The following DMTN variants were observed in gnomAD, a reference collection of about 807,000 sequenced individuals.
DMTN encodes the protein dematin.
Under a neutral mutation model 59.4 loss-of-function variants are expected in DMTN, and 27 were observed. That is an observed-to-expected ratio of 0.45 (90% CI 0.33 to 0.63). The LOEUF is 0.63. DMTN is among the 20% of genes least tolerant of loss of function. DMTN has a pLI of 0.02. For missense variants in DMTN, 451 were observed against 528.9 expected, an observed-to-expected ratio of 0.85 and a Z score of 1.45; for synonymous variants, 221 against 203.7, an observed-to-expected ratio of 1.08 and a Z score of -0.72.
In DMTN at chr8:22,067,632, C is replaced by T. The variant is rs1399241086; in HGVS notation, c.199C>T (p.His67Tyr). ...ERPDLMIYEP[H>Y]FTYSLLEHVE... ...GCCCGACCTCATGATCTACGAGCCT[C>T]ACTTCACTTATTCCCTCCTGGAACA... Residue 67 changes from histidine (H) to tyrosine (Y), a missense_variant, in exon 4 of 16, where the codon CAC (histidine) becomes TAC (tyrosine). Transcript: ENST00000358242. The T allele has an allele frequency of 1.9e-6, 3 of 1,614,168 alleles. No individual in the cohort carries two copies. The East Asian group carries it at 6.7e-5, about 36-fold the overall frequency.
chr8:22,056,386 G>A (rs1477544963), upstream of DMTN, among the ~76,000 whole-genome samples: 2 of 152,326 alleles, frequency 1.3e-5, no homozygotes, highest in Admixed American at 6.5e-5. Context: ...GGCCCCAGAG[G>A]CCTCAGTTGC....
rs1816231917 is a variant in DMTN, at chr8:22,072,373, G to A, written c.652G>A (p.Glu218Lys). The A allele has an allele frequency of 1.9e-6, 3 of 1,590,204 alleles. No individual in the cohort carries two copies. Among genetic ancestry groups the A allele is most frequent in the Non-Finnish European group, 1.7e-6 (2 of 1,165,482 alleles). The part of the protein sequence containing the change: ...RKASRRGAEE[E>K]EEEEDDDSGE... ...GGCGTCTCGGAGGGGAGCAGAGGAA[G>A]AGGAGGAGGAGGAAGATGACGACTC... is the stretch of plus-strand genomic sequence containing the variant. Residue 218 changes from glutamate to lysine, a missense_variant, in exon 9 of 16, where the codon GAG (glutamate) becomes AAG (lysine). By Grantham distance (56) the Glu-to-Lys change is moderately conservative (BLOSUM62 1). Coordinates refer to ENST00000358242, the MANE Select transcript of DMTN (RefSeq NM_001387751.1).
chr8:22,069,327 G>A, intron 5 of DMTN, 92 bp from the exon 6 acceptor site: 3 of 1,151,002 alleles, frequency 2.6e-6, no homozygotes, highest in Admixed American at 4.8e-5. Flanking sequence ...CGGCCAGGAT[G>A]GGAGGACAGA....
chr8:22,056,413 G>T (rs895207501), upstream of DMTN, among the ~76,000 whole-genome samples: 3 of 152,162 alleles, frequency 2.0e-5, no homozygotes, highest in Non-Finnish European at 4.4e-5. Context: ...CAGATGGTGG[G>T]GTGGTCATGA....
intron 1 of DMTN, among the ~76,000 whole-genome samples, chr8:22,061,749 ATT>A (rs1175743497): frequency 1.3e-3 from 158 of 119,706 alleles, no homozygotes; most frequent in African/African-American, 4.6e-3. Context: ...CTTAATTCTC[ATT>A]TTTTTTTTTT....
At chr8:22,075,905 G>A (rs893095766) in intron 10 of DMTN, among the ~76,000 whole-genome samples, 35 of 152,162 alleles carry the variant, frequency 2.3e-4, no homozygotes, top group Non-Finnish European at 1.3e-4. Context: ...GCCATCTTTG[G>A]AAATAATCTA....
intron 8 of DMTN, 129 bp downstream of exon 8, chr8:22,070,463 C>A (rs1814472137): frequency 8.5e-7 from 1 of 1,173,762 alleles, no homozygotes. Context: ...CTTTTTCCTA[C>A]CTTCAGGAGC....
upstream of DMTN, among the ~76,000 whole-genome samples, chr8:22,052,036 C>T (rs994625886): frequency 1.3e-5 from 2 of 152,180 alleles, no homozygotes; most frequent in African/African-American, 4.8e-5. Context: ...TTGAAGGGTC[C>T]CCGCCACCTG....
intron 1 of DMTN, among the ~76,000 whole-genome samples, chr8:22,059,752 G>C (rs1804954267): frequency 6.6e-6 from 1 of 152,220 alleles, no homozygotes; most frequent in South Asian, 2.1e-4. Flanking sequence ...CACCAAGCAG[G>C]TAGTGGTTGG....
At position 22,071,485 on chromosome 8, in the gene DMTN, C is replaced by T. The variant is rs1019440262; in HGVS notation, c.605-841C>T. Among the ~76,000 whole-genome samples, 3 of 151,946 alleles carry T rather than the reference C, an allele frequency of 2.0e-5. No individual in the cohort carries two copies. The South Asian group carries it at 6.2e-4, about 31-fold the overall frequency. ...TCTCGGCTCACTGCAACTTCTACCA[C>T]CTGAGTTCAAGCGATTTTCCTGTTT... On this transcript the variant is annotated intron_variant, in intron 8 of 15. Coordinates refer to ENST00000358242, the MANE Select transcript of DMTN (RefSeq NM_001387751.1).
chr8:22,069,517 T>A lies in DMTN; in HGVS notation c.393T>A (p.Pro131=). Residue 131 remains proline (P), a splice_region_variant and synonymous_variant, in exon 6 of 16, where the codon CCT becomes CCA. Coordinates refer to ENST00000358242, the MANE Select transcript of DMTN (RefSeq NM_001387751.1). ...CCAGCCTGCCCCATTTCCACCACCCTGGTAGGTCTTCTCGGCACGACCTCA... is the reference window on the plus strand; with the variant it reads ...CCAGCCTGCCCCATTTCCACCACCCAGGTAGGTCTTCTCGGCACGACCTCA... The part of the protein sequence containing the change: ...PRTSLPHFHH[P]ETSRPDSNIY... 1.9e-6 allele frequency: 3 copies of A among 1,591,158 alleles called. No homozygotes were observed. Among genetic ancestry groups the A allele is most frequent in the Non-Finnish European group, 2.6e-6 (3 of 1,169,024 alleles).
In DMTN at chr8:22,070,279, G is replaced by A. The variant is rs746539661; in HGVS notation, c.549G>A (p.Gln183=). 7.4e-6 allele frequency: 12 copies of A among 1,613,546 alleles called. No homozygotes were observed. Among genetic ancestry groups the A allele is most frequent in the Admixed American group, 5.0e-5 (3 of 59,900 alleles). The change falls in exon 8 of 16, where the codon CAG becomes CAA. Residue 183 remains glutamine (Q), a synonymous_variant. Transcript: ENST00000358242. ...CAGCCCAGCCCCCAGACCCCAACCAGCCAGCCAAAATCGAAACCGACTACT... is the reference window on the plus strand; with the variant it reads ...CAGCCCAGCCCCCAGACCCCAACCAACCAGCCAAAATCGAAACCGACTACT... ...FPAAQPPDPN[Q]PAKIETDYWP...
At chr8:22,074,969 A>T (rs527965647) in intron 10 of DMTN, among the ~76,000 whole-genome samples, 15 of 152,154 alleles carry the variant, frequency 9.9e-5, no homozygotes, top group South Asian at 2.1e-4. Flanking sequence ...CGGGCGGATC[A>T]CAAGGTCAGG....
chr8:22,072,631 A>ATT (rs61068593), intron 9 of DMTN, among the ~76,000 whole-genome samples, 181 bp downstream of exon 9: 3,465 of 130,730 alleles, frequency 0.027, 87 homozygotes, highest in African/African-American at 0.06. Context: ...CGCCCAGCTA[A>ATT]TTTTTTTTTT....
intron 10 of DMTN, among the ~76,000 whole-genome samples, chr8:22,079,426 G>A (rs1822629727): frequency 6.7e-6 from 1 of 150,112 alleles, no homozygotes; most frequent in African/African-American, 2.4e-5. Flanking sequence ...ACTTCAGCCT[G>A]GATGACACAC....
chr8:22,049,417 G>T (rs1238260564), upstream of DMTN, among the ~76,000 whole-genome samples: 1 of 151,814 alleles, frequency 6.6e-6, no homozygotes, highest in Non-Finnish European at 1.5e-5. Flanking sequence ...GGAGGAAGGG[G>T]CGGCCTTGCC....
At position 22,081,464 on chromosome 8, in the gene DMTN, T is replaced by A. The variant is rs918043585; in HGVS notation, c.*1T>A. The stretch of plus-strand genomic sequence containing the variant: ...CAAGAAGAAGGCCTCTCTCTTCTGA[T>A]GGCCCCCACCTGCTCCGGGACGGCC... On this transcript the variant is annotated 3_prime_UTR_variant, in exon 16 of 16. Coordinates refer to ENST00000358242, the MANE Select transcript of DMTN (RefSeq NM_001387751.1). The A allele has an allele frequency of 1.2e-6, 2 of 1,613,296 alleles. No homozygotes were observed. The highest frequency in any genetic ancestry group is 2.7e-5 in the African/African-American group (2 of 74,914).
At chr8:22,050,010 C>T (rs1366164424), upstream of DMTN, among the ~76,000 whole-genome samples, 4 of 152,118 alleles carry the variant, frequency 2.6e-5, no homozygotes, top group African/African-American at 9.7e-5. Flanking sequence ...GTGGGGACAG[C>T]GGCAGCCAAG....
Position 22,058,584 on chromosome 8 carries a change from C to T in DMTN, c.-172+1448C>T, listed in dbSNP as rs932982256. Among the ~76,000 whole-genome samples the T allele has an allele frequency of 1.3e-5, 2 of 152,118 alleles. No homozygotes were observed. The highest frequency in any genetic ancestry group is 3.9e-4 in the East Asian group (2 of 5,194). On this transcript the variant is annotated intron_variant, in intron 1 of 15. Coordinates refer to ENST00000358242, the MANE Select transcript of DMTN (RefSeq NM_001387751.1). This position sits in a 1 kb window ranked among gnomAD's most constrained non-coding sequence, Gnocchi z 4.3. Reference sequence around the variant, plus strand: ...GGTGGGCTAGAGAGGCAGGAGGGGGCACCTGGGCCCGGTTTTGTTGTTATT... The same window carrying T: ...GGTGGGCTAGAGAGGCAGGAGGGGGTACCTGGGCCCGGTTTTGTTGTTATT...
Sources: gnomAD v4.1 joint callset for allele counts (sites outside exome capture counted in the v4.1 genomes callset) on GRCh38, gnomAD v4.1.1 for gene constraint, Gnocchi (gnomAD v3.1) non-coding constraint, MANE v1.5 for transcripts, NCBI Gene and HGNC (gene_info 2026-07-23, HGNC 2026-07-21) for gene names.